The following SGCZ variants were observed in gnomAD, a reference collection of about 807,000 sequenced individuals.
The protein encoded by SGCZ is sarcoglycan zeta.
SGCZ carries 40 observed loss-of-function variants against 41.3 expected under a neutral mutation model. The observed-to-expected ratio is 0.97, with a 90% CI of 0.75 to 1.26. The LOEUF (loss-of-function observed/expected upper bound fraction) is 1.26. Ranked by LOEUF, SGCZ falls within the 50% of genes most tolerant of loss-of-function variation. The pLI is 0.00. For synonymous variants in SGCZ, 206 were observed against 137.5 expected, an observed-to-expected ratio of 1.50 and a Z score of -3.49; for missense variants, 552 against 369.8, an observed-to-expected ratio of 1.49 and a Z score of -4.04.
intron 2 of SGCZ, among the ~76,000 whole-genome samples, chr8:14,376,164 A>G (rs1056409914): frequency 2.0e-5 from 3 of 151,982 alleles, no homozygotes; most frequent in Non-Finnish European, 4.4e-5. Context: ...ATAAAAAATT[A>G]GCCGGGCATG....
intron 1 of SGCZ, among the ~76,000 whole-genome samples, chr8:14,875,440 G>T (rs1368819050): frequency 6.6e-6 from 1 of 152,142 alleles, no homozygotes; most frequent in East Asian, 1.9e-4. Flanking sequence ...GGATTCAATG[G>T]GAGGGAGACT....
chr8:15,083,868 GCCACTGCA>G (rs1805852837), intron 1 of SGCZ, among the ~76,000 whole-genome samples: 1 of 152,140 alleles, frequency 6.6e-6, no homozygotes, highest in South Asian at 2.1e-4. Context: ...ACAGGTATAA[GCCACTGCA>G]CCTGGCCAAG....
intron 1 of SGCZ, among the ~76,000 whole-genome samples, chr8:14,701,691 T>G (rs1378163905): frequency 6.6e-5 from 10 of 151,910 alleles, no homozygotes; most frequent in Admixed American, 6.6e-4. Flanking sequence ...TGTGTCCCAC[T>G]GAGAAAGCAG....
chr8:14,403,268 G>A (rs1255562679), intron 2 of SGCZ, among the ~76,000 whole-genome samples: 2 of 150,162 alleles, frequency 1.3e-5, no homozygotes, highest in Admixed American at 1.3e-4. Flanking sequence ...TTTCCTAATT[G>A]AATACCCTTT....
chr8:15,122,959 A>C (rs1807542897), intron 1 of SGCZ, among the ~76,000 whole-genome samples: 1 of 152,170 alleles, frequency 6.6e-6, no homozygotes, highest in Non-Finnish European at 1.5e-5. Flanking sequence ...AATGTGAGTC[A>C]TATTAAGTCA....
chr8:14,455,208 G>A (rs1318657553), intron 2 of SGCZ, among the ~76,000 whole-genome samples: 1 of 151,886 alleles, frequency 6.6e-6, no homozygotes, highest in African/African-American at 2.4e-5. Context: ...AGAAAAAATG[G>A]AAAACCAAAC....
intron 1 of SGCZ, among the ~76,000 whole-genome samples, chr8:15,106,838 A>T (rs950761701): frequency 6.6e-6 from 1 of 152,120 alleles, no homozygotes; most frequent in Non-Finnish European, 1.5e-5. Context: ...TTTCACAACT[A>T]ATCATGACTT....
chr8:14,797,249 T>C (rs994139938), intron 1 of SGCZ, among the ~76,000 whole-genome samples: 1 of 152,060 alleles, frequency 6.6e-6, no homozygotes, highest in Non-Finnish European at 1.5e-5. Context: ...GACAGGAAGA[T>C]TTAGAAAAGT....
At chr8:14,655,702 C>T (rs1313037406) in intron 1 of SGCZ, among the ~76,000 whole-genome samples, 3 of 152,080 alleles carry the variant, frequency 2.0e-5, no homozygotes, top group Admixed American at 2.0e-4. Context: ...CAGTAATAGA[C>T]TCAAGATAAA....
intron 1 of SGCZ, among the ~76,000 whole-genome samples, chr8:15,180,658 G>A (rs1800145409): frequency 6.6e-6 from 1 of 152,070 alleles, no homozygotes; most frequent in African/African-American, 2.4e-5. Flanking sequence ...GGCCAAGGCA[G>A]GCGGATCATG....
chr8:14,120,147 C>G (rs1334268004), intron 5 of SGCZ, among the ~76,000 whole-genome samples: 3 of 152,038 alleles, frequency 2.0e-5, no homozygotes, highest in African/African-American at 7.3e-5. Context: ...CATATGGAAA[C>G]CAGCAATAAA....
At chr8:14,898,591 TG>T (rs1405342300) in intron 1 of SGCZ, among the ~76,000 whole-genome samples, 1 of 152,156 alleles carries the variant, frequency 6.6e-6, no homozygotes, top group Non-Finnish European at 1.5e-5. Flanking sequence ...TTATTGGACT[TG>T]GGTGACAGGA....
intron 1 of SGCZ, among the ~76,000 whole-genome samples, chr8:14,571,012 T>C (rs1371197422): frequency 6.6e-6 from 1 of 152,236 alleles, no homozygotes; most frequent in East Asian, 1.9e-4. Flanking sequence ...TTGACAGGTG[T>C]ATTAGTCAGT....
At chr8:14,551,518 A>ATATATATAATATATATTATATATAT (rs1803835289) in intron 2 of SGCZ, among the ~76,000 whole-genome samples, 1 of 9,486 alleles carries the variant, frequency 1.1e-4, no homozygotes, top group African/African-American at 7.1e-4. Context: ...TATATATATT[A>ATATATATAATATATATTATATATAT]TATATAATAT....
chr8:14,100,685 T>G (rs1466859344), intron 7 of SGCZ, among the ~76,000 whole-genome samples: 1 of 150,448 alleles, frequency 6.6e-6, no homozygotes, highest in African/African-American at 2.4e-5. Context: ...CTGCTAACAC[T>G]CTAATATGGT....
chr8:15,062,275 A>G (rs903427334), intron 1 of SGCZ, among the ~76,000 whole-genome samples: 7 of 152,332 alleles, frequency 4.6e-5, no homozygotes, highest in Middle Eastern at 6.8e-3. Context: ...AAGTAATGAC[A>G]CAACCATTAT....
chr8:14,180,075 G>T (rs11985495), intron 4 of SGCZ, among the ~76,000 whole-genome samples: 36,517 of 151,998 alleles, frequency 0.24, 6,191 homozygotes, highest in African/African-American at 0.48. Context: ...GCAGGGTTTT[G>T]GTCTCAATTA....
At chr8:14,176,882 C>A (rs964743369) in intron 4 of SGCZ, among the ~76,000 whole-genome samples, 2 of 152,190 alleles carry the variant, frequency 1.3e-5, no homozygotes, top group Non-Finnish European at 2.9e-5. Context: ...ATCTTGAAAG[C>A]TCTCCTGTTG....
intron 1 of SGCZ, among the ~76,000 whole-genome samples, chr8:14,600,937 T>C (rs1805571286): frequency 6.6e-6 from 1 of 151,806 alleles, no homozygotes; most frequent in African/African-American, 2.4e-5. Context: ...GTAATCTTGA[T>C]TCTGAATCGG....
Sources: allele counts gnomAD v4.1 joint callset (sites outside exome capture counted in the v4.1 genomes callset), GRCh38; gene constraint gnomAD v4.1.1; transcripts MANE v1.5; gene names NCBI Gene and HGNC (gene_info 2026-07-23, HGNC 2026-07-21).